SCARF1: variants seen among roughly 807,000 people sequenced by gnomAD.
SCARF1 encodes the protein scavenger receptor class F member 1.
Under a neutral mutation model 76.3 loss-of-function variants are expected in SCARF1, and 49 were observed. That is an observed-to-expected ratio of 0.64 (90% CI 0.51 to 0.81). SCARF1 has a LOEUF of 0.81. Ranked by LOEUF, SCARF1 falls within the 40% of genes least tolerant of loss-of-function variation. SCARF1 has a pLI of 0.00. For synonymous variants in SCARF1, 495 were observed against 474.6 expected (o/e 1.04, Z -0.56); for missense variants, 1,098 against 1,143.9 (o/e 0.96, Z 0.58).
At position 1,644,765 on chromosome 17, in the gene SCARF1, G is replaced by C. The variant is rs1023743115; in HGVS notation, c.265+69C>G. 3.5e-6 allele frequency: 5 copies of C among 1,448,960 alleles called. No homozygotes were observed. Among genetic ancestry groups the C allele is most frequent in the Non-Finnish European group, 4.7e-6 (5 of 1,056,604 alleles). 89.8% of individuals were successfully genotyped at this position (1,448,960 alleles called of 1,614,324 possible). On this transcript the variant is annotated intron_variant, in intron 3 of 10. Coordinates refer to ENST00000263071, the MANE Select transcript of SCARF1 (RefSeq NM_003693.4). The surrounding 1 kb of genome is among the most constrained non-coding windows in gnomAD (Gnocchi z 4.8). ...CTGAGGCTGCATGGCTACCTGCCTC[G>C]CCTGCTCCCACACCACTGCCCCCGT...
intron 6 of SCARF1, 34 bp downstream of exon 6, chr17:1,639,878 G>A (rs373224806): frequency 1.9e-6 from 3 of 1,611,934 alleles, no homozygotes; most frequent in Non-Finnish European, 2.5e-6. Flanking sequence ...CTAGGCCCCT[G>A]GCACTCTCCC....
Position 1,635,599 on chromosome 17 carries a change from T to C in SCARF1, c.1652A>G (p.Gln551Arg). The change falls in exon 11 of 11, where the codon CAG becomes CGG. Residue 551 changes from glutamine to arginine, a missense_variant. Coordinates refer to ENST00000263071, the MANE Select transcript of SCARF1 (RefSeq NM_003693.4). ...PPQEGMVPVAQAGSSEASLAA... is the reference protein window; with the variant it reads ...PPQEGMVPVARAGSSEASLAA... ...CAGGCTGGCCTCTGACGACCCTGCC[T>C]GGGCCACAGGGACCATCCCTGGCAG... 6.2e-7 allele frequency: 1 copy of C among 1,602,668 alleles called. No individual in the cohort carries two copies. The highest frequency in any genetic ancestry group is 8.5e-7 in the Non-Finnish European group (1 of 1,179,672).
Position 1,640,986 on chromosome 17 carries a change from C to T in SCARF1, c.792-320G>A, listed in dbSNP as rs1433353801. Reference sequence around the variant, plus strand: ...TCTGAGTCCCATTTGCGAGGTCTGCCAGGCCTTCCCTCCTGCTCTTTTCAC... The same window carrying T: ...TCTGAGTCCCATTTGCGAGGTCTGCTAGGCCTTCCCTCCTGCTCTTTTCAC... On this transcript the variant is annotated intron_variant, in intron 4 of 10. Transcript: ENST00000263071. This position sits in a 1 kb window ranked among gnomAD's most constrained non-coding sequence, Gnocchi z 4.7. Among the ~76,000 whole-genome samples the T allele has an allele frequency of 2.6e-5, 4 of 152,214 alleles. No individual in the cohort carries two copies. The highest frequency in any genetic ancestry group is 4.4e-5 in the Non-Finnish European group (3 of 68,044).
rs1909352760 is a variant in SCARF1, at chr17:1,634,538, G to A, written c.*220C>T. 4 of 480,292 alleles carry A rather than the reference G, an allele frequency of 8.3e-6. No homozygotes were observed. The highest frequency in any genetic ancestry group is 3.9e-5 in the Admixed American group (1 of 25,962). 29.8% of individuals were successfully genotyped at this position (480,292 alleles called of 1,614,324 possible). On this transcript the variant is annotated 3_prime_UTR_variant, in exon 11 of 11. Transcript: ENST00000263071. ...GGACAGCAGAGCAAAAGTCCCTGCA[G>A]GCAACCCTTCCTGACCCCATCCTAC...
intron 4 of SCARF1, among the ~76,000 whole-genome samples, chr17:1,642,594 C>T (rs1016214265): frequency 5.3e-5 from 8 of 152,080 alleles, no homozygotes; most frequent in Non-Finnish European, 7.3e-5. Flanking sequence ...TTGTTGGACT[C>T]GATCCACTTA....
rs1210316006 is a variant in SCARF1, at chr17:1,638,917, C to A, written c.1253G>T (p.Ser418Ile). Residue 418 changes from serine (S) to isoleucine (I), a missense_variant, in exon 8 of 11, where the codon AGT becomes ATT. Physicochemically the swap from Ser to Ile is moderately radical, Grantham distance 142. Transcript: ENST00000263071. ...VSGSCQPGSGSRDTALIAGSL... is the reference protein window; with the variant it reads ...VSGSCQPGSGIRDTALIAGSL... ...GCCCGCGATGAGGGCAGTGTCCCGA[C>A]TGCCAGAGCCTGGGGGAGCCAGAAA... The A allele has an allele frequency of 6.3e-7, 1 of 1,592,532 alleles. No homozygotes were observed. Among genetic ancestry groups the A allele is most frequent in the Non-Finnish European group, 8.6e-7 (1 of 1,166,644 alleles).
intron 10 of SCARF1, among the ~76,000 whole-genome samples, chr17:1,635,864 C>T (rs1298974974): frequency 2.0e-5 from 3 of 151,656 alleles, no homozygotes; most frequent in South Asian, 2.1e-4. Flanking sequence ...TCAAGCAGTC[C>T]TCCCGCCTCA....
At chr17:1,639,409 A>T (rs1011711649) in intron 7 of SCARF1, among the ~76,000 whole-genome samples, 1 of 151,316 alleles carries the variant, frequency 6.6e-6, no homozygotes, top group Non-Finnish European at 1.5e-5. Context: ...AGAGGCTGAG[A>T]TGGGAGAATG....
rs763210647 is a variant in SCARF1 at position 1,634,835 on chromosome 17, T to C, written c.2416A>G (p.Lys806Glu). The change falls in exon 11 of 11, where the codon AAG becomes GAG. Residue 806 changes from lysine to glutamate, a missense_variant. By Grantham distance (56) the Lys-to-Glu change is moderately conservative. Transcript: ENST00000263071. ...GCGSPEQDPQ[K>E]QAEEERQEEP... ...TCCTGCCTTTCCTCTTCAGCCTGCTTCTGGGGATCCTGTTCTGGGGAGCCA... is the reference window on the plus strand; with the variant it reads ...TCCTGCCTTTCCTCTTCAGCCTGCTCCTGGGGATCCTGTTCTGGGGAGCCA... 1 of 1,613,902 alleles carries C rather than the reference T, an allele frequency of 6.2e-7. No homozygotes were observed. Among genetic ancestry groups the C allele is most frequent in the Non-Finnish European group, 8.5e-7 (1 of 1,179,836 alleles).
Position 1,639,693 on chromosome 17 carries a change from G to T in SCARF1, c.1189C>A (p.Pro397Thr), listed in dbSNP as rs1409734311. ...CAGAGTCCCTCTGGGCATTCACAAG[G>T]AACTGAGCAGTTGTTTCCATGGAAA... ...AGFHGNNCSV[P>T]CECPEGLCHP... Residue 397 changes from proline to threonine, a missense_variant, in exon 7 of 11, where the codon CCT (proline) becomes ACT (threonine). Coordinates refer to ENST00000263071, the MANE Select transcript of SCARF1 (RefSeq NM_003693.4). The T allele has an allele frequency of 6.3e-7, 1 of 1,590,710 alleles. No homozygotes were observed. Among genetic ancestry groups the T allele is most frequent in the East Asian group, 2.3e-5 (1 of 44,124 alleles).
Position 1,643,558 on chromosome 17 carries a change from A to G in SCARF1, c.675T>C (p.Cys225=), listed in dbSNP as rs982910833. 7 of 1,456,474 alleles carry G rather than the reference A, an allele frequency of 4.8e-6. No homozygotes were observed. In the Admixed American group the frequency reaches 1.5e-4, roughly 32 times the overall value. The allele number at this position is 1,456,474 out of a possible 1,614,324, so 90.2% of individuals were successfully genotyped here. A position where few individuals can be genotyped will look rare whatever the true frequency, so the allele number is the denominator to read the frequency against. ...WGPECQQQCE[C]VRGRCSAASG... ...AGGCGGCGCTGCAGCGGCCCCGCAC[A>G]CACTCGCACTGCTGCTGGCATTCGG... Residue 225 remains cysteine (C), a synonymous_variant, in exon 4 of 11, where the codon TGT becomes TGC. Transcript: ENST00000263071.
chr17:1,643,500 C>G lies in SCARF1; in HGVS notation c.733G>C (p.Gly245Arg). ...GGGCAGGGCAGCTCGCAGCGCGCTCCGCGGAAGCCGGGCGGGCAGGTGCAC... is the reference window on the plus strand; with the variant it reads ...GGGCAGGGCAGCTCGCAGCGCGCTCGGCGGAAGCCGGGCGGGCAGGTGCAC... ...GECTCPPGFR[G>R]ARCELPCPAG... The change falls in exon 4 of 11, where the codon GGA becomes CGA. Residue 245 changes from glycine to arginine, a missense_variant. Gly to Arg is a moderately radical substitution (Grantham distance 125). Transcript: ENST00000263071. The G allele has an allele frequency of 1.5e-6, 2 of 1,343,248 alleles. No individual in the cohort carries two copies. Among genetic ancestry groups the G allele is most frequent in the Non-Finnish European group, 1.9e-6 (2 of 1,054,450 alleles). 83.2% of individuals were successfully genotyped at this position (1,343,248 alleles called of 1,614,324 possible).
In SCARF1 at chr17:1,635,112, A is replaced by G. The variant is rs1246636375; in HGVS notation, c.2139T>C (p.Gly713=). ...CTTCCGCCTGGCCTTTCTGGAAGCTACCAAAATGGCGGAAGACAGAGCGGA... is the reference window on the plus strand; with the variant it reads ...CTTCCGCCTGGCCTTTCTGGAAGCTGCCAAAATGGCGGAAGACAGAGCGGA... ...GPVRSVFRHF[G]SFQKGQAEAK... The change falls in exon 11 of 11, where the codon GGT becomes GGC. Residue 713 remains glycine, a synonymous_variant. Transcript: ENST00000263071. 2 of 1,613,858 alleles carry G rather than the reference A, an allele frequency of 1.2e-6. No individual in the cohort carries two copies. The highest frequency in any genetic ancestry group is 1.7e-6 in the Non-Finnish European group (2 of 1,180,022).
Position 1,636,953 on chromosome 17 carries a change from G to T in SCARF1, c.1474C>A (p.Pro492Thr), listed in dbSNP as rs1394908880. 6.2e-7 allele frequency: 1 copy of T among 1,613,968 alleles called. No individual in the cohort carries two copies. The highest frequency in any genetic ancestry group is 8.5e-7 in the Non-Finnish European group (1 of 1,180,024). The change falls in exon 9 of 11, where the codon CCC (proline) becomes ACC (threonine). Residue 492 changes from proline to threonine, a missense_variant. Pro to Thr is a conservative substitution (Grantham distance 38, BLOSUM62 -1). Transcript: ENST00000263071. Reference sequence around the variant, plus strand: ...AGCGCCCACTGACCTGTCACCCAGGGTAGCTTGTGGGAGCTGAGGGAACGG... The same window carrying T: ...AGCGCCCACTGACCTGTCACCCAGGTTAGCTTGTGGGAGCTGAGGGAACGG... ...PCRSLSSHKL[P>T]WVTVSHHDPE...
chr17:1,642,290 C>T (rs1187351026), intron 4 of SCARF1, among the ~76,000 whole-genome samples: 1 of 151,368 alleles, frequency 6.6e-6, no homozygotes, highest in South Asian at 2.1e-4. Context: ...CCCACTAGCT[C>T]GTCATCTAGC....
In SCARF1 at chr17:1,635,432, C is replaced by G. The variant is rs939711501; in HGVS notation, c.1819G>C (p.Gly607Arg). Residue 607 changes from glycine to arginine, a missense_variant, in exon 11 of 11, where the codon GGG becomes CGG. Gly to Arg is a moderately radical substitution (Grantham distance 125). Coordinates refer to ENST00000263071, the MANE Select transcript of SCARF1 (RefSeq NM_003693.4). ...TTTCGGAGCGGGCTGGAGAGCTCCCCTGAGCTTCGGCGACTCTGTGGTGCA... is the reference window on the plus strand; with the variant it reads ...TTTCGGAGCGGGCTGGAGAGCTCCCGTGAGCTTCGGCGACTCTGTGGTGCA... ...KFAPQSRRSS[G>R]ELSSPLRKPK... 3 of 1,614,060 alleles carry G rather than the reference C, an allele frequency of 1.9e-6. No individual in the cohort carries two copies. The highest frequency in any genetic ancestry group is 2.5e-6 in the Non-Finnish European group (3 of 1,179,956).
rs572203774 is a variant in SCARF1, at chr17:1,643,747, C to T, written c.486G>A (p.Pro162=). ...GCGCCGCCGCGGTGTTGCACTGGCA[C>T]GGGCGGCGGCACGTGGACGACCACC... ...PGWWSSTCRR[P]CQCNTAAARC... The change falls in exon 4 of 11, where the codon CCG becomes CCA. Residue 162 remains proline, a synonymous_variant. Coordinates refer to ENST00000263071, the MANE Select transcript of SCARF1 (RefSeq NM_003693.4). The T allele has an allele frequency of 2.0e-5, 26 of 1,296,366 alleles. No homozygotes were observed. The South Asian group carries it at 4.2e-4, about 21-fold the overall frequency. 80.3% of individuals were successfully genotyped at this position (1,296,366 alleles called of 1,614,324 possible). A position where few individuals can be genotyped will look rare whatever the true frequency, so the allele number is the denominator to read the frequency against.
chr17:1,643,022 C>T (rs893659436), intron 4 of SCARF1, among the ~76,000 whole-genome samples: 2 of 152,160 alleles, frequency 1.3e-5, no homozygotes, highest in African/African-American at 4.8e-5. Context: ...CTTTCTCGTT[C>T]CTCTGCTTTG....
rs1163839815 is a variant in SCARF1, at chr17:1,644,547, TAC to T, written c.265+285_265+286del. On this transcript the variant is annotated intron_variant, in intron 3 of 10. Coordinates refer to ENST00000263071, the MANE Select transcript of SCARF1 (RefSeq NM_003693.4). This position sits in a 1 kb window ranked among gnomAD's most constrained non-coding sequence, Gnocchi z 4.8. ...AGGTATATGTGGGAAAGGCAAGTAATACACTCATTTTACAATGAAGGGGAATC... is the reference window on the plus strand; with the variant it reads ...AGGTATATGTGGGAAAGGCAAGTAATACTCATTTTACAATGAAGGGGAATC... The T allele has an allele frequency of 1.7e-6, 1 of 573,126 alleles. No homozygotes were observed. Among genetic ancestry groups the T allele is most frequent in the African/African-American group, 1.9e-5 (1 of 53,420 alleles). The allele number at this position is 573,126 out of a possible 1,614,324, so 35.5% of individuals were successfully genotyped here.
Sources: allele counts gnomAD v4.1 joint callset (sites outside exome capture counted in the v4.1 genomes callset), GRCh38; gene constraint gnomAD v4.1.1; non-coding constraint Gnocchi (gnomAD v3.1); transcripts MANE v1.5; gene names NCBI Gene and HGNC (gene_info 2026-07-23, HGNC 2026-07-21).